Variants in ACER3 observed in about 807,000 individuals in gnomAD.
ACER3 encodes the protein alkCDase 3.
ACER3 carries 16 observed loss-of-function variants against 48.9 expected under a neutral mutation model. The ratio of observed to expected loss-of-function variants is 0.33; its 90% CI spans 0.22 to 0.50. The LOEUF is 0.50. Ranked by LOEUF, ACER3 falls within the 20% of genes least tolerant of loss-of-function variation. The probability of loss-of-function intolerance (pLI) is 0.98; values close to 1 mark genes in which losing one functional copy is unlikely to be tolerated. For missense variants in ACER3, 227 were observed against 326.0 expected (o/e 0.70, Z 2.34); for synonymous variants, 109 against 107.8 (o/e 1.01, Z -0.07).
chr11:76,899,848 G>A (rs993842545), intron 1 of ACER3, among the ~76,000 whole-genome samples: 3 of 152,134 alleles, frequency 2.0e-5, no homozygotes, highest in Admixed American at 6.5e-5. Context: ...GGGGTGCTGA[G>A]CACAACCCCC....
intron 9 of ACER3, among the ~76,000 whole-genome samples, chr11:77,018,128 C>T (rs1949406324): frequency 1.3e-5 from 2 of 151,924 alleles, no homozygotes; most frequent in South Asian, 4.2e-4. Flanking sequence ...TTAGTAGAGA[C>T]AGGCTTTCAC....
intron 1 of ACER3, among the ~76,000 whole-genome samples, chr11:76,898,577 A>G (rs1945993045): frequency 6.6e-6 from 1 of 152,140 alleles, no homozygotes; most frequent in South Asian, 2.1e-4. Context: ...CATTTCAGAT[A>G]ATGGGCCCTA....
chr11:77,016,600 AT>A, intron 8 of ACER3, 74 bp from the exon 9 acceptor site: 1 of 713,824 alleles, frequency 1.4e-6, no homozygotes, highest in South Asian at 2.3e-5. Flanking sequence ...ATATTTCAAA[AT>A]GCTCTAAGAC....
At chr11:76,881,273 T>G (rs922642021) in intron 1 of ACER3, among the ~76,000 whole-genome samples, 1 of 142,756 alleles carries the variant, frequency 7.0e-6, no homozygotes, top group East Asian at 2.0e-4. Flanking sequence ...AAAAAAAAAG[T>G]AGAATTCCCA....
intron 1 of ACER3, among the ~76,000 whole-genome samples, chr11:76,919,025 C>T (rs554862663): frequency 3.9e-5 from 6 of 152,160 alleles, no homozygotes; most frequent in African/African-American, 1.4e-4. Flanking sequence ...AGGCTCAAAC[C>T]AGTTACAGCT....
At chr11:76,934,610 G>T (rs957341714) in intron 2 of ACER3, among the ~76,000 whole-genome samples, 5 of 151,898 alleles carry the variant, frequency 3.3e-5, no homozygotes, top group African/African-American at 1.2e-4. Context: ...AGGCAGGGAG[G>T]TTGCAGTGAG....
intron 1 of ACER3, among the ~76,000 whole-genome samples, chr11:76,863,996 A>G (rs1945008700): frequency 6.6e-6 from 1 of 152,244 alleles, no homozygotes; most frequent in South Asian, 2.1e-4. Flanking sequence ...ATGCTATCAC[A>G]CAGGACAAAT....
chr11:76,952,139 TACACAC>T lies in ACER3; in HGVS notation c.215-6816_215-6811del, dbSNP rs71272233. ...TCAGAAAAAATATTATATATATATA[TACACAC>T]ACACACACACACACACACACACATA... On this transcript the variant is annotated intron_variant, in intron 2 of 10. Transcript: ENST00000532485. Among the ~76,000 whole-genome samples the T allele has an allele frequency of 2.0e-3, 142 of 72,736 alleles. 1 individual carries two copies. Among genetic ancestry groups the T allele is most frequent in the Non-Finnish European group, 1.4e-3 (38 of 26,924 alleles). The allele number at this position is 72,736 out of a possible 152,430, so 47.7% of individuals were successfully genotyped here. A position where few individuals can be genotyped will look rare whatever the true frequency, so the allele number is the denominator to read the frequency against.
intron 1 of ACER3, among the ~76,000 whole-genome samples, chr11:76,893,448 G>A (rs1345671811): frequency 6.6e-6 from 1 of 152,140 alleles, no homozygotes; most frequent in Non-Finnish European, 1.5e-5. Context: ...GCCATTTACA[G>A]GCTGTGTGAT....
At position 76,994,346 on chromosome 11, in the gene ACER3, T is replaced by A. The variant is rs186564811; in HGVS notation, c.438+3772T>A. The A allele has an allele frequency of 1.2e-3, 432 of 357,480 alleles. 1 individual carries two copies. The highest frequency in any genetic ancestry group is 5.5e-3 in the African/African-American group (254 of 46,214). The allele number at this position is 357,480 out of a possible 1,614,324, so 22.1% of individuals were successfully genotyped here. On this transcript the variant is annotated intron_variant, in intron 6 of 10. Transcript: ENST00000532485. ...GGTATCGCCATGTTGGCCAGGCTGG[T>A]CTTGAATTCCTGGCCTCAAGTGATC...
At chr11:76,910,135 C>T (rs1221219897) in intron 1 of ACER3, among the ~76,000 whole-genome samples, 1 of 77,340 alleles carries the variant, frequency 1.3e-5, no homozygotes, top group East Asian at 3.2e-4. Flanking sequence ...GGGTGGGGGG[C>T]AAGGGGAGGG....
chr11:76,997,661 C>A (rs1185612464), intron 6 of ACER3, among the ~76,000 whole-genome samples: 1 of 132,340 alleles, frequency 7.6e-6, no homozygotes, highest in Non-Finnish European at 1.6e-5. Flanking sequence ...CATAGTGAGA[C>A]CTTGTCTATA....
At chr11:77,004,458 T>C (rs1297672297) in intron 7 of ACER3, among the ~76,000 whole-genome samples, 1 of 152,256 alleles carries the variant, frequency 6.6e-6, no homozygotes, top group East Asian at 1.9e-4. Flanking sequence ...TTAGTTATTC[T>C]GTATCATTGT....
At chr11:76,961,572 T>C (rs1947994751) in intron 3 of ACER3, among the ~76,000 whole-genome samples, 1 of 149,648 alleles carries the variant, frequency 6.7e-6, no homozygotes, top group South Asian at 2.1e-4. Context: ...AAGGACAATA[T>C]CAGCCTAGAT....
At chr11:76,915,438 A>AC (rs981741619) in intron 1 of ACER3, among the ~76,000 whole-genome samples, 135 of 149,650 alleles carry the variant, frequency 9.0e-4, no homozygotes, top group African/African-American at 3.1e-3. Flanking sequence ...GAGCGTACCC[A>AC]CCCCCCCGAG....
intron 1 of ACER3, among the ~76,000 whole-genome samples, chr11:76,875,934 C>T (rs1314305016): frequency 1.3e-5 from 2 of 151,778 alleles, no homozygotes; most frequent in African/African-American, 4.8e-5. Flanking sequence ...CAGGGGATTA[C>T]AGGCACGTGC....
At chr11:77,016,879 A>G (rs1949382587) in intron 9 of ACER3, 100 bp downstream of exon 9, 2 of 582,920 alleles carry the variant, frequency 3.4e-6, no homozygotes, top group African/African-American at 1.9e-5. Flanking sequence ...ACACTAGAAA[A>G]TTCACAAACA....
chr11:76,954,133 G>C (rs886793628), intron 2 of ACER3, among the ~76,000 whole-genome samples: 1 of 152,066 alleles, frequency 6.6e-6, no homozygotes. Context: ...TTTTAGTAGA[G>C]ACAGGGTTTC....
intron 6 of ACER3, among the ~76,000 whole-genome samples, chr11:76,998,282 G>A (rs532481486): frequency 6.6e-6 from 1 of 152,322 alleles, no homozygotes; most frequent in South Asian, 2.1e-4. Flanking sequence ...CAAGAAGTGG[G>A]CACCTTTTTT....
Sources: allele counts gnomAD v4.1 joint callset (sites outside exome capture counted in the v4.1 genomes callset), GRCh38; gene constraint gnomAD v4.1.1; transcripts MANE v1.5; gene names NCBI Gene and HGNC (gene_info 2026-07-23, HGNC 2026-07-21).